Variants in ADAMTSL3 observed in about 807,000 individuals in gnomAD.
ADAMTSL3 encodes the protein ADAMTS like 3, also known as ADAMTS-like protein 3.
A neutral mutation model predicts 201.7 loss-of-function variants in ADAMTSL3; 128 were observed. The ratio of observed to expected loss-of-function variants is 0.63; its 90% CI spans 0.55 to 0.73. The LOEUF (loss-of-function observed/expected upper bound fraction) is 0.73, where lower values mean the gene tolerates loss of function less well. Ranked by LOEUF, ADAMTSL3 falls within the 30% of genes least tolerant of loss-of-function variation. The pLI, the probability that ADAMTSL3 is intolerant of heterozygous loss-of-function variation, is 0.00. For synonymous variants in ADAMTSL3, 738 were observed against 748.4 expected (o/e 0.99, Z 0.23); for missense variants, 1,990 against 2,119.6 (o/e 0.94, Z 1.20).
At chr15:83,773,420 G>T in intron 3 of ADAMTSL3, 103 bp from the exon 4 acceptor site, 1 of 1,279,142 alleles carries the variant, frequency 7.8e-7, no homozygotes, top group Non-Finnish European at 1.1e-6. Context: ...AAAAAAAAAA[G>T]GTGACTCTGG....
At chr15:83,903,402 G>A (rs1229280660) in intron 15 of ADAMTSL3, among the ~76,000 whole-genome samples, 1 of 151,868 alleles carries the variant, frequency 6.6e-6, no homozygotes, top group East Asian at 1.9e-4. Context: ...CCCAACATAA[G>A]CTCTGTTCAC....
chr15:83,773,712 G>A (rs966337361), intron 4 of ADAMTSL3, 62 bp downstream of exon 4: 12 of 1,549,494 alleles, frequency 7.7e-6, no homozygotes, highest in African/African-American at 6.9e-5. Flanking sequence ...GATGGGTGGA[G>A]AGGAGAGATA....
intron 19 of ADAMTSL3, among the ~76,000 whole-genome samples, chr15:83,966,101 C>G (rs2067078545): frequency 6.6e-6 from 1 of 151,940 alleles, no homozygotes; most frequent in Admixed American, 6.5e-5. Flanking sequence ...AAATTGACAC[C>G]CTAACATCAC....
rs897100062 is a variant in ADAMTSL3 at position 83,859,178 on chromosome 15, C to T, written c.802+338C>T. ...TTACAGGCAAAGTCACAAATTAATA[C>T]TGGAGGCTACGCACTGGTTTGACCT... On this transcript the variant is annotated intron_variant, in intron 8 of 29. Coordinates refer to ENST00000286744, the MANE Select transcript of ADAMTSL3 (RefSeq NM_207517.3). Among the ~76,000 whole-genome samples, 4 of 152,194 alleles carry T rather than the reference C, an allele frequency of 2.6e-5. No individual in the cohort carries two copies. The East Asian group carries it at 7.7e-4, about 29-fold the overall frequency.
rs767777418 is a variant in ADAMTSL3 at position 83,912,982 on chromosome 15, C to T, written c.1701-110C>T. The stretch of plus-strand genomic sequence containing the variant: ...AAATTCCAAATGTGTGGAATTCCAC[C>T]GAGTGAAGCTGGTTATTTTTGCCTT... On this transcript the variant is annotated intron_variant, in intron 15 of 29. Transcript: ENST00000286744. 55 of 1,158,744 alleles carry T rather than the reference C, an allele frequency of 4.7e-5. 1 individual carries two copies. The Admixed American group carries it at 5.4e-4, about 11-fold the overall frequency. 71.8% of individuals were successfully genotyped at this position (1,158,744 alleles called of 1,614,324 possible).
chr15:83,851,179 A>G (rs939955687), intron 7 of ADAMTSL3, among the ~76,000 whole-genome samples: 1 of 152,362 alleles, frequency 6.6e-6, no homozygotes, highest in South Asian at 2.1e-4. Flanking sequence ...CTACAAATGT[A>G]TGAAACTTTA....
chr15:83,961,068 T>C (rs2066960402), intron 19 of ADAMTSL3, among the ~76,000 whole-genome samples: 1 of 151,780 alleles, frequency 6.6e-6, no homozygotes, highest in Admixed American at 6.6e-5. Context: ...GAGGTTTGAG[T>C]TCAAAAAAGA....
At chr15:83,974,085 C>A (rs1377986794) in intron 20 of ADAMTSL3, among the ~76,000 whole-genome samples, 4 of 152,180 alleles carry the variant, frequency 2.6e-5, no homozygotes, top group Non-Finnish European at 5.9e-5. Context: ...CCTGCACAGT[C>A]CCCTTGTTCA....
rs558512842 is a variant in ADAMTSL3, at chr15:83,915,943, G to A, written c.1987+2565G>A. ...TGTTTAGGGTATTGAGAATAGTGCT[G>A]CTGTGAACGTTCATGTATATGATTT... On this transcript the variant is annotated intron_variant, in intron 16 of 29. Transcript: ENST00000286744. Among the ~76,000 whole-genome samples, 5 of 152,252 alleles carry A rather than the reference G, an allele frequency of 3.3e-5. No individual in the cohort carries two copies. In the South Asian group the frequency reaches 1.0e-3, roughly 32 times the overall value.
At chr15:83,891,904 T>C (rs537861645) in intron 12 of ADAMTSL3, among the ~76,000 whole-genome samples, 10 of 152,264 alleles carry the variant, frequency 6.6e-5, no homozygotes, top group African/African-American at 2.4e-4. Context: ...TGACAAGAAT[T>C]TGTGTGTGGC....
chr15:83,903,458 T>C (rs926200918), intron 15 of ADAMTSL3, among the ~76,000 whole-genome samples: 1 of 152,060 alleles, frequency 6.6e-6, no homozygotes, highest in Non-Finnish European at 1.5e-5. Flanking sequence ...TCTAGTAACC[T>C]CTATTCTATT....
intron 2 of ADAMTSL3, among the ~76,000 whole-genome samples, chr15:83,692,380 G>A (rs1452570445): frequency 2.0e-5 from 3 of 151,472 alleles, no homozygotes; most frequent in East Asian, 1.9e-4. Flanking sequence ...TCTTCCTATC[G>A]TCTTGCTTGT....
At chr15:83,900,826 A>G (rs758392972) in intron 15 of ADAMTSL3, among the ~76,000 whole-genome samples, 1 of 152,216 alleles carries the variant, frequency 6.6e-6, no homozygotes, top group Non-Finnish European at 1.5e-5. Flanking sequence ...CCCATGTGAC[A>G]AGTTTTCACA....
At chr15:83,728,297 T>G (rs2062211478) in intron 3 of ADAMTSL3, among the ~76,000 whole-genome samples, 1 of 151,954 alleles carries the variant, frequency 6.6e-6, no homozygotes, top group Admixed American at 6.6e-5. Flanking sequence ...GAGTCTTTTT[T>G]TTTTATTCAT....
chr15:83,682,712 T>G (rs901813711), intron 2 of ADAMTSL3, among the ~76,000 whole-genome samples: 1 of 152,226 alleles, frequency 6.6e-6, no homozygotes, highest in Non-Finnish European at 1.5e-5. Flanking sequence ...TACTAATTGG[T>G]GTTTCCCTTG....
Position 84,014,589 on chromosome 15 carries a change from A to G in ADAMTSL3, c.4021A>G (p.Ser1341Gly). Residue 1341 changes from serine to glycine, a missense_variant, in exon 24 of 30, where the codon AGT becomes GGT. Physicochemically the swap from Ser to Gly is moderately conservative, Grantham distance 56 (BLOSUM62 0). Transcript: ENST00000286744. ...TTGGTTGAAGAGAGGAGGATCTCTG[A>G]GTGGCAATGTTTCCTTGCTTTTCAA... ...ITWLKRGGSL[S>G]GNVSLLFNGS... The G allele has an allele frequency of 6.2e-7, 1 of 1,614,092 alleles. No homozygotes were observed. Among genetic ancestry groups the G allele is most frequent in the African/African-American group, 1.3e-5 (1 of 75,032 alleles).
At position 83,982,873 on chromosome 15, in the gene ADAMTSL3, C is replaced by T. The variant is rs150937264; in HGVS notation, c.3245C>T (p.Ala1082Val). The change falls in exon 21 of 30, where the codon GCA (alanine) becomes GTA (valine). Residue 1082 changes from alanine to valine, a missense_variant. By Grantham distance (64) the Ala-to-Val change is moderately conservative (BLOSUM62 0). Coordinates refer to ENST00000286744, the MANE Select transcript of ADAMTSL3 (RefSeq NM_207517.3). ...GAGTTGAAGAATAAGCAGTTTGAAG[C>T]AGCAGTTAAACAAGGAGCATATAGC... ...SWELKNKQFE[A>V]AVKQGAYSMD... 229 of 1,613,912 alleles carry T rather than the reference C, an allele frequency of 1.4e-4. No individual in the cohort carries two copies. Among genetic ancestry groups the T allele is most frequent in the Non-Finnish European group, 1.8e-4 (211 of 1,180,036 alleles).
intron 3 of ADAMTSL3, among the ~76,000 whole-genome samples, chr15:83,737,392 G>C (rs1035847786): frequency 6.6e-6 from 1 of 152,104 alleles, no homozygotes; most frequent in Non-Finnish European, 1.5e-5. Flanking sequence ...TGATTGGATC[G>C]GGGGCAGTTT....
At position 83,988,799 on chromosome 15, in the gene ADAMTSL3, T is replaced by G. The variant is rs753565289; in HGVS notation, c.3825T>G (p.Ser1275Arg). 2.5e-6 allele frequency: 4 copies of G among 1,602,492 alleles called. No homozygotes were observed. Among genetic ancestry groups the G allele is most frequent in the Non-Finnish European group, 3.4e-6 (4 of 1,173,270 alleles). The change falls in exon 22 of 30, where the codon AGT becomes AGG. Residue 1275 changes from serine (S) to arginine (R), a missense_variant. Transcript: ENST00000286744. Reference protein sequence around the residue: ...VANHLGSDVESSSVLYAEAPV... With the variant: ...VANHLGSDVERSSVLYAEAPV... Reference sequence around the variant, plus strand: ...ATCATCTTGGTTCAGATGTGGAAAGTTCTTCTGTGCTGTATGCAGGTAATG... The same window carrying G: ...ATCATCTTGGTTCAGATGTGGAAAGGTCTTCTGTGCTGTATGCAGGTAATG...
Sources: allele counts gnomAD v4.1 joint callset (sites outside exome capture counted in the v4.1 genomes callset), GRCh38; gene constraint gnomAD v4.1.1; transcripts MANE v1.5; gene names NCBI Gene and HGNC (gene_info 2026-07-23, HGNC 2026-07-21).